F13A1: variants seen among roughly 807,000 people sequenced by gnomAD.
F13A1 encodes the protein coagulation factor XIII A chain.
In F13A1, 47 loss-of-function variants were observed where a neutral mutation model predicts 80.1. The ratio of observed to expected loss-of-function variants is 0.59; its 90% confidence interval spans 0.46 to 0.75. The LOEUF (loss-of-function observed/expected upper bound fraction) is 0.75. Among genes scored for constraint, F13A1 ranks in the 30% least tolerant of loss-of-function variants. F13A1 has a pLI of 0.00. For synonymous variants in F13A1, 349 were observed against 344.9 expected (o/e 1.01, Z -0.13); for missense variants, 817 against 930.4 (o/e 0.88, Z 1.59).
rs182153186 is a variant in F13A1 at position 6,165,200 on chromosome 6, T to G, written c.1908+2258A>C. On this transcript the variant is annotated intron_variant, in intron 13 of 14. Coordinates refer to ENST00000264870, the MANE Select transcript of F13A1 (RefSeq NM_000129.4). ...ATAAGTTTCCTCCAGGAACAGCATC[T>G]CTGGTTGCTTTGTGGAAGGAAACAC... Among the ~76,000 whole-genome samples the G allele has an allele frequency of 3.9e-5, 6 of 152,302 alleles. No individual in the cohort carries two copies. The East Asian group carries it at 1.2e-3, about 29-fold the overall frequency.
chr6:6,223,322 CTTG>C (rs760640460), intron 7 of F13A1, among the ~76,000 whole-genome samples: 6 of 152,202 alleles, frequency 3.9e-5, no homozygotes, highest in African/African-American at 7.2e-5. Flanking sequence ...ACTATTTTAT[CTTG>C]TTGTGAGCCG....
chr6:6,173,425 T>TTTG (rs1760811391), intron 12 of F13A1, among the ~76,000 whole-genome samples: 1 of 144,146 alleles, frequency 6.9e-6, no homozygotes, highest in African/African-American at 2.6e-5. Flanking sequence ...TTTTTTTTTT[T>TTTG]GAGACGGAGT....
chr6:6,303,045 A>G (rs1387392584), intron 3 of F13A1, among the ~76,000 whole-genome samples: 1 of 152,218 alleles, frequency 6.6e-6, no homozygotes, highest in African/African-American at 2.4e-5. Flanking sequence ...TCATTTATGT[A>G]AAAACAAACA....
intron 11 of F13A1, among the ~76,000 whole-genome samples, chr6:6,176,387 C>T (rs975466679): frequency 1.3e-5 from 2 of 152,172 alleles, no homozygotes; most frequent in African/African-American, 4.8e-5. Flanking sequence ...AAGACAGACA[C>T]TATTATTACC....
Position 6,318,570 on chromosome 6 carries a change from A to C in F13A1, c.95T>G (p.Leu32Arg). 1 of 1,613,898 alleles carries C rather than the reference A, an allele frequency of 6.2e-7. No individual in the cohort carries two copies. The highest frequency in any genetic ancestry group is 1.3e-5 in the African/African-American group (1 of 75,008). Residue 32 changes from leucine (L) to arginine (R), a missense_variant, in exon 2 of 15, where the codon CTT (leucine) becomes CGT (arginine). Leu to Arg is a moderately radical substitution (Grantham distance 102). Coordinates refer to ENST00000264870, the MANE Select transcript of F13A1 (RefSeq NM_000129.4). Reference sequence around the variant, plus strand: ...GACGCCCCGGGGCACCACGCCCTGAAGCTCCACTGTGGGCAGGTCATCTTC... The same window carrying C: ...GACGCCCCGGGGCACCACGCCCTGACGCTCCACTGTGGGCAGGTCATCTTC... ...AAEDDLPTVE[L>R]QGVVPRGVNL...
intron 3 of F13A1, among the ~76,000 whole-genome samples, chr6:6,280,813 T>C (rs1407818732): frequency 1.3e-5 from 2 of 152,252 alleles, no homozygotes; most frequent in Non-Finnish European, 2.9e-5. Flanking sequence ...TGAGTACCTC[T>C]TTATTTGTGG....
At chr6:6,307,703 AACTACTAT>A (rs1430432468) in intron 2 of F13A1, among the ~76,000 whole-genome samples, 2 of 152,212 alleles carry the variant, frequency 1.3e-5, no homozygotes, top group African/African-American at 4.8e-5. Context: ...CATCTGGTAG[AACTACTAT>A]ACCCTGCATG....
chr6:6,190,038 C>T (rs561690912), intron 10 of F13A1, among the ~76,000 whole-genome samples: 1 of 152,312 alleles, frequency 6.6e-6, no homozygotes, highest in African/African-American at 2.4e-5. Context: ...CTTCTGCATT[C>T]TTCACGTAGG....
At chr6:6,181,482 C>T (rs916683156) in intron 11 of F13A1, among the ~76,000 whole-genome samples, 1 of 152,158 alleles carries the variant, frequency 6.6e-6, no homozygotes, top group African/African-American at 2.4e-5. Context: ...AACTGGCCTT[C>T]GACCTAATTG....
Position 6,299,243 on chromosome 6 carries a change from C to T in F13A1, c.319+6108G>A, listed in dbSNP as rs563686072. On this transcript the variant is annotated intron_variant, in intron 3 of 14. Coordinates refer to ENST00000264870, the MANE Select transcript of F13A1 (RefSeq NM_000129.4). ...TTATGTGTCTTGGAGTTGCTCTTCTCGAGGAGTATCTTTGTGGCGTTCTCT... is the reference window on the plus strand; with the variant it reads ...TTATGTGTCTTGGAGTTGCTCTTCTTGAGGAGTATCTTTGTGGCGTTCTCT... Among the ~76,000 whole-genome samples, 10 of 113,000 alleles carry T rather than the reference C, an allele frequency of 8.8e-5. 1 individual carries two copies. The South Asian group carries it at 2.9e-3, about 33-fold the overall frequency. 74.1% of individuals were successfully genotyped at this position (113,000 alleles called of 152,430 possible). A position where few individuals can be genotyped will look rare whatever the true frequency, so the allele number is the denominator to read the frequency against.
In F13A1 at chr6:6,200,077, G is replaced by T. The variant is rs185157893; in HGVS notation, c.1113-2751C>A. ...GGGTGGATGACCAGCCCAATTCTGG[G>T]CAGGATGAGCTTGAGTGCCTGTGGG... On this transcript the variant is annotated intron_variant, in intron 8 of 14. Transcript: ENST00000264870. Among the ~76,000 whole-genome samples, 87 of 152,330 alleles carry T rather than the reference G, an allele frequency of 5.7e-4. 2 individuals are homozygous for T. In the East Asian group the frequency reaches 0.014, roughly 25 times the overall value.
At chr6:6,256,743 A>C (rs540766085) in intron 4 of F13A1, among the ~76,000 whole-genome samples, 1 of 152,262 alleles carries the variant, frequency 6.6e-6, no homozygotes, top group African/African-American at 2.4e-5. Context: ...GAGCCTACTG[A>C]TTTTAGTATC....
At chr6:6,226,277 G>GCATT (rs937524457) in intron 6 of F13A1, among the ~76,000 whole-genome samples, 7 of 152,096 alleles carry the variant, frequency 4.6e-5, no homozygotes, top group Non-Finnish European at 8.8e-5. Context: ...GCTACTTGAG[G>GCATT]CATTCATGGA....
chr6:6,174,389 C>G (rs945056952), intron 12 of F13A1, among the ~76,000 whole-genome samples, 191 bp downstream of exon 12: 1 of 148,788 alleles, frequency 6.7e-6, no homozygotes, highest in Non-Finnish European at 1.5e-5. Context: ...GATTCCATCT[C>G]AAAAAATAAA....
intron 10 of F13A1, among the ~76,000 whole-genome samples, chr6:6,185,777 G>C (rs1221940533): frequency 1.3e-5 from 2 of 152,180 alleles, no homozygotes; most frequent in African/African-American, 4.8e-5. Flanking sequence ...TCCAGTTCTA[G>C]ATCCCTGAGG....
chr6:6,264,415 T>C (rs1757816863), intron 4 of F13A1, among the ~76,000 whole-genome samples: 1 of 152,202 alleles, frequency 6.6e-6, no homozygotes, highest in Non-Finnish European at 1.5e-5. Flanking sequence ...GATTGATAAG[T>C]ATGAATTTTT....
chr6:6,255,377 G>A (rs1028339663), intron 4 of F13A1, among the ~76,000 whole-genome samples: 54 of 152,124 alleles, frequency 3.5e-4, no homozygotes, highest in Non-Finnish European at 5.7e-4. Flanking sequence ...GGAAACTGAG[G>A]CAGAGAGAAA....
At chr6:6,152,615 A>G (rs1760399136) in intron 13 of F13A1, among the ~76,000 whole-genome samples, 1 of 152,192 alleles carries the variant, frequency 6.6e-6, no homozygotes, top group African/African-American at 2.4e-5. Context: ...GCCAGGTTCA[A>G]CACTTATTAA....
chr6:6,253,142 CAAAAAAAAAA>C (rs397886568), intron 4 of F13A1, among the ~76,000 whole-genome samples: 4 of 73,946 alleles, frequency 5.4e-5, no homozygotes, highest in South Asian at 6.2e-4. Flanking sequence ...GAATCTGTCC[CAAAAAAAAAA>C]AAAAAAAAAA....
Sources: allele counts gnomAD v4.1 joint callset (sites outside exome capture counted in the v4.1 genomes callset), GRCh38; gene constraint gnomAD v4.1.1; transcripts MANE v1.5; gene names NCBI Gene and HGNC (gene_info 2026-07-23, HGNC 2026-07-21).